FNIP1: variants seen among roughly 807,000 people sequenced by gnomAD.
The protein encoded by FNIP1 is folliculin interacting protein 1, also known as folliculin-interacting protein 1.
A neutral mutation model predicts 124.5 loss-of-function variants in FNIP1; 40 were observed. The observed-to-expected ratio is 0.32, with a 90% CI of 0.25 to 0.42. The LOEUF (loss-of-function observed/expected upper bound fraction) is 0.42. FNIP1 is among the 10% of genes least tolerant of loss of function. The pLI, the probability that FNIP1 is intolerant of heterozygous loss-of-function variation, is 1.00. For missense variants in FNIP1, 1,176 were observed against 1,403.7 expected, an observed-to-expected ratio of 0.84 and a Z score of 2.59; for synonymous variants, 472 against 470.6, an observed-to-expected ratio of 1.00 and a Z score of -0.04.
At position 131,693,303 on chromosome 5, in the gene FNIP1, T is replaced by TATATATATACATATATATATATAC. The variant is rs1554094441; in HGVS notation, c.1202+5613_1202+5614insGTATATATATATATGTATATATAT. 1.8e-3 allele frequency among the ~76,000 whole-genome samples: 52 copies of TATATATATACATATATATATATAC among 29,208 alleles called. 3 individuals are homozygous for TATATATATACATATATATATATAC. Among genetic ancestry groups the TATATATATACATATATATATATAC allele is most frequent in the South Asian group, 9.1e-3 (9 of 988 alleles). 19.2% of individuals were successfully genotyped at this position (29,208 alleles called of 152,430 possible). ...GGTAATAGCTAAATATATACATATA[T>TATATATATACATATATATATATAC]ATATATATATATACACATATATATA... is the stretch of plus-strand genomic sequence containing the variant. On this transcript the variant is annotated intron_variant, in intron 11 of 17. Coordinates refer to ENST00000510461, the MANE Select transcript of FNIP1 (RefSeq NM_133372.3).
intron 6 of FNIP1, among the ~76,000 whole-genome samples, chr5:131,712,168 T>C (rs1769313506): frequency 6.6e-6 from 1 of 151,880 alleles, no homozygotes; most frequent in Non-Finnish European, 1.5e-5. Context: ...AGTGACTTAT[T>C]AAAAAATCCT....
At chr5:131,726,568 T>C (rs746507038) in intron 3 of FNIP1, among the ~76,000 whole-genome samples, 4 of 152,204 alleles carry the variant, frequency 2.6e-5, no homozygotes, top group Non-Finnish European at 5.9e-5. Context: ...TTCTTCTTCA[T>C]TAATCTGGCT....
rs56699008 is a variant in FNIP1, at chr5:131,790,478, C to CAAAAAA, written c.92+6346_92+6351dup. On this transcript the variant is annotated intron_variant, in intron 1 of 17. Coordinates refer to ENST00000510461, the MANE Select transcript of FNIP1 (RefSeq NM_133372.3). ...TGGGCGATAGAGCAAGAACCTGTCTCAAAAAAAAAAAAAAAAAAAAAAAAG... is the reference window on the plus strand; with the variant it reads ...TGGGCGATAGAGCAAGAACCTGTCTCAAAAAAAAAAAAAAAAAAAAAAAAAAAAAAG... Among the ~76,000 whole-genome samples the CAAAAAA allele has an allele frequency of 1.0e-3, 73 of 70,512 alleles. 3 individuals are homozygous for CAAAAAA. Among genetic ancestry groups the CAAAAAA allele is most frequent in the East Asian group, 4.0e-3 (7 of 1,746 alleles). The allele number at this position is 70,512 out of a possible 152,430, so 46.3% of individuals were successfully genotyped here.
At chr5:131,657,141 C>A (rs535592885) in intron 15 of FNIP1, among the ~76,000 whole-genome samples, 1 of 150,056 alleles carries the variant, frequency 6.7e-6, no homozygotes, top group African/African-American at 2.5e-5. Flanking sequence ...GTAGCTGGGA[C>A]TACAGGCACC....
At chr5:131,749,432 G>A (rs1005159409) in intron 1 of FNIP1, among the ~76,000 whole-genome samples, 4 of 141,356 alleles carry the variant, frequency 2.8e-5, no homozygotes, top group Admixed American at 1.5e-4. Flanking sequence ...TCAGTCTATC[G>A]TCCAGGCTGA....
intron 6 of FNIP1, among the ~76,000 whole-genome samples, chr5:131,712,834 A>G (rs1769341206): frequency 6.6e-6 from 1 of 152,186 alleles, no homozygotes. Context: ...ATCTTGGACA[A>G]AAGTCCAAAC....
At chr5:131,677,619 T>C (rs1767947096) in intron 13 of FNIP1, 84 bp downstream of exon 13, 8 of 1,294,816 alleles carry the variant, frequency 6.2e-6, no homozygotes, top group Non-Finnish European at 8.6e-6. Context: ...AAGCATTTTA[T>C]TTATTTTTGG....
At chr5:131,790,582 CTGACTAT>C (rs1367858992) in intron 1 of FNIP1, among the ~76,000 whole-genome samples, 9 of 150,362 alleles carry the variant, frequency 6.0e-5, no homozygotes, top group African/African-American at 1.9e-4. Context: ...TTACAGAGTT[CTGACTAT>C]AAAATAAATC....
At chr5:131,708,178 G>C (rs747128073) in intron 8 of FNIP1, among the ~76,000 whole-genome samples, 2 of 152,146 alleles carry the variant, frequency 1.3e-5, no homozygotes, top group East Asian at 1.9e-4. Flanking sequence ...GGTTACACGA[G>C]AGTCTTTGAA....
intron 1 of FNIP1, among the ~76,000 whole-genome samples, chr5:131,774,745 G>A (rs1771745510): frequency 1.3e-5 from 2 of 152,150 alleles, no homozygotes; most frequent in East Asian, 1.9e-4. Context: ...TGCAAATTCT[G>A]AGAGCACCAG....
At chr5:131,780,049 T>A (rs865822962) in intron 1 of FNIP1, among the ~76,000 whole-genome samples, 12 of 151,646 alleles carry the variant, frequency 7.9e-5, no homozygotes, top group African/African-American at 1.2e-4. Flanking sequence ...AAAAAAATAA[T>A]AATAATAATA....
In FNIP1 at chr5:131,658,040, C is replaced by CAA. The variant is rs543062745; in HGVS notation, c.3109-6043_3109-6042dup. Reference sequence around the variant, plus strand: ...TGGGCAACAGAGCAAGACTCCATCTCAAAAAAAAAAAAAAAAAAAGATATG... The same window carrying CAA: ...TGGGCAACAGAGCAAGACTCCATCTCAAAAAAAAAAAAAAAAAAAAAGATATG... On this transcript the variant is annotated intron_variant, in intron 15 of 17. Transcript: ENST00000510461. Among the ~76,000 whole-genome samples, 428 of 57,260 alleles carry CAA rather than the reference C, an allele frequency of 7.5e-3. 4 individuals are homozygous for CAA. Among genetic ancestry groups the CAA allele is most frequent in the African/African-American group, 0.022 (397 of 17,936 alleles). The allele number at this position is 57,260 out of a possible 152,430, so 37.6% of individuals were successfully genotyped here.
chr5:131,649,284 G>C (rs991412797), intron 16 of FNIP1, among the ~76,000 whole-genome samples: 23 of 152,100 alleles, frequency 1.5e-4, no homozygotes, highest in African/African-American at 5.1e-4. Flanking sequence ...CAATGCATGA[G>C]GGTTCCAAGG....
intron 1 of FNIP1, among the ~76,000 whole-genome samples, chr5:131,755,251 T>C (rs1327786414): frequency 6.6e-6 from 1 of 151,700 alleles, no homozygotes; most frequent in Non-Finnish European, 1.5e-5. Context: ...CAAAACCCCA[T>C]CTCTACTAAA....
intron 11 of FNIP1, among the ~76,000 whole-genome samples, chr5:131,686,503 G>A (rs1768275824): frequency 6.6e-6 from 1 of 152,120 alleles, no homozygotes; most frequent in Admixed American, 6.5e-5. Flanking sequence ...CACGCCACTT[G>A]AGCCTGGCTA....
chr5:131,684,867 A>G (rs532671252), intron 11 of FNIP1, among the ~76,000 whole-genome samples: 1 of 152,190 alleles, frequency 6.6e-6, no homozygotes, highest in Non-Finnish European at 1.5e-5. Context: ...CCAATAGTAT[A>G]ATTAACTGCA....
intron 2 of FNIP1, among the ~76,000 whole-genome samples, chr5:131,741,211 C>G (rs924844005): frequency 1.3e-5 from 2 of 152,092 alleles, no homozygotes; most frequent in Admixed American, 1.3e-4. Flanking sequence ...GACCCCTTTC[C>G]GGTAACACTT....
intron 2 of FNIP1, among the ~76,000 whole-genome samples, chr5:131,733,463 G>T: frequency 6.6e-6 from 1 of 152,128 alleles, no homozygotes; most frequent in Non-Finnish European, 1.5e-5. Flanking sequence ...TTGGCTGTGG[G>T]TCTGTCATAT....
chr5:131,742,370 A>C (rs1170245309), intron 2 of FNIP1, among the ~76,000 whole-genome samples: 1 of 152,174 alleles, frequency 6.6e-6, no homozygotes, highest in African/African-American at 2.4e-5. Context: ...AGGCTGAGGC[A>C]CGAGAACTGC....
Sources: gnomAD v4.1 joint callset for allele counts (sites outside exome capture counted in the v4.1 genomes callset) on GRCh38, gnomAD v4.1.1 for gene constraint, MANE v1.5 for transcripts, NCBI Gene and HGNC (gene_info 2026-07-23, HGNC 2026-07-21) for gene names.